BTBD1: variants seen among roughly 807,000 people sequenced by gnomAD.
BTBD1 encodes the protein BTB domain containing 1, also known as BTB/POZ domain-containing protein 1.
BTBD1 carries 34 observed loss-of-function variants against 48.0 expected under a neutral mutation model. That is an observed-to-expected ratio of 0.71 (90% CI 0.54 to 0.94). The LOEUF (loss-of-function observed/expected upper bound fraction) is 0.94, where lower values mean the gene tolerates loss of function less well. BTBD1 is among the 40% of genes least tolerant of loss of function. BTBD1 has a pLI of 0.00. For synonymous variants in BTBD1, 261 were observed against 242.1 expected (o/e 1.08, Z -0.72); for missense variants, 543 against 625.6 (o/e 0.87, Z 1.41).
intron 5 of BTBD1, among the ~76,000 whole-genome samples, chr15:83,026,791 G>A (rs968767767): frequency 2.0e-5 from 3 of 152,012 alleles, no homozygotes; most frequent in Non-Finnish European, 4.4e-5. Context: ...CAAAGTGTGG[G>A]GATTACAGGC....
At position 83,062,794 on chromosome 15, in the gene BTBD1, G is replaced by A. The variant is rs556528892; in HGVS notation, c.401+3957C>T. Among the ~76,000 whole-genome samples, 9 of 152,226 alleles carry A rather than the reference G, an allele frequency of 5.9e-5. No homozygotes were observed. In the South Asian group the frequency reaches 1.9e-3, roughly 32 times the overall value. On this transcript the variant is annotated intron_variant, in intron 1 of 7. Coordinates refer to ENST00000261721, the MANE Select transcript of BTBD1 (RefSeq NM_025238.4). ...GATGGGAGAAAGGATGAGAGCTGAG[G>A]ACTGAATACTGAAGAACACTTACCT...
At chr15:83,047,481 G>C (rs1045422008) in intron 3 of BTBD1, among the ~76,000 whole-genome samples, 1 of 152,214 alleles carries the variant, frequency 6.6e-6, no homozygotes, top group African/African-American at 2.4e-5. Context: ...ATTTACCAAA[G>C]ATGTTTTCTC....
intron 5 of BTBD1, among the ~76,000 whole-genome samples, chr15:83,025,774 T>G (rs891763266): frequency 6.6e-6 from 1 of 152,130 alleles, no homozygotes; most frequent in African/African-American, 2.4e-5. Flanking sequence ...TTTAACCATT[T>G]TTTCTTTTTT....
rs1028587356 is a variant in BTBD1, at chr15:83,047,271, G to A, written c.664+2802C>T. On this transcript the variant is annotated intron_variant, in intron 3 of 7. Coordinates refer to ENST00000261721, the MANE Select transcript of BTBD1 (RefSeq NM_025238.4). ...GAACAGGGATTGCTTAGGGGAACAC[G>A]GTATCTAATTAAGTAGGTCTGAAGT... Among the ~76,000 whole-genome samples the A allele has an allele frequency of 5.3e-5, 8 of 152,126 alleles. No individual in the cohort carries two copies. The South Asian group carries it at 8.3e-4, about 16-fold the overall frequency.
At chr15:83,035,251 G>C (rs1204437170) in intron 4 of BTBD1, among the ~76,000 whole-genome samples, 2 of 152,128 alleles carry the variant, frequency 1.3e-5, no homozygotes, top group African/African-American at 4.8e-5. Context: ...CCAAGATCAT[G>C]CCACTGCACT....
rs1404315758 is a variant in BTBD1, at chr15:83,041,978, C to T, written c.665-53G>A. Reference sequence around the variant, plus strand: ...ATTAGAAATATTTTAGCTCTCTAACCAAGCAATACCAACAGACACACTTAT... The same window carrying T: ...ATTAGAAATATTTTAGCTCTCTAACTAAGCAATACCAACAGACACACTTAT... On this transcript the variant is annotated intron_variant, in intron 3 of 7. Transcript: ENST00000261721. 9 of 1,453,496 alleles carry T rather than the reference C, an allele frequency of 6.2e-6. No homozygotes were observed. The Admixed American group carries it at 1.6e-4, about 25-fold the overall frequency. 90.0% of individuals were successfully genotyped at this position (1,453,496 alleles called of 1,614,324 possible).
chr15:83,066,871 C>T lies in BTBD1; in HGVS notation c.281G>A (p.Arg94His). ...AGGPQRIPAH[R>H]FVLAAGSAVF... ...GGCGCTGCCGGCCGCCAGCACGAAG[C>T]GGTGGGCGGGGATGCGCTGCGGGCC... The change falls in exon 1 of 8, where the codon CGC becomes CAC. Residue 94 changes from arginine (R) to histidine (H), a missense_variant. This residue lies in a region of BTBD1 where 173 missense variants were observed against 163.9 expected (regional missense o/e 1.06). Coordinates refer to ENST00000261721, the MANE Select transcript of BTBD1 (RefSeq NM_025238.4). The T allele has an allele frequency of 1.4e-6, 2 of 1,475,722 alleles. No individual in the cohort carries two copies. The highest frequency in any genetic ancestry group is 1.8e-6 in the Non-Finnish European group (2 of 1,116,714). The allele number at this position is 1,475,722 out of a possible 1,614,324, so 91.4% of individuals were successfully genotyped here. A position where few individuals can be genotyped will look rare whatever the true frequency, so the allele number is the denominator to read the frequency against.
rs553157289 is a variant in BTBD1, at chr15:83,030,080, G to C, written c.1055+56C>G. 4.3e-5 allele frequency: 63 copies of C among 1,469,238 alleles called. No individual in the cohort carries two copies. In the African/African-American group the frequency reaches 8.8e-4, roughly 21 times the overall value. The allele number at this position is 1,469,238 out of a possible 1,614,324, so 91.0% of individuals were successfully genotyped here. A position where few individuals can be genotyped will look rare whatever the true frequency, so the allele number is the denominator to read the frequency against. ...TTATCTCCCATAATATATAAAAAAG[G>C]CCAAATGGTAACTGCTACCCCCACT... On this transcript the variant is annotated intron_variant, in intron 5 of 7. Coordinates refer to ENST00000261721, the MANE Select transcript of BTBD1 (RefSeq NM_025238.4).
chr15:83,030,973 A>G (rs778986259), intron 4 of BTBD1, among the ~76,000 whole-genome samples: 1 of 152,210 alleles, frequency 6.6e-6, no homozygotes, highest in Non-Finnish European at 1.5e-5. Flanking sequence ...ACAATTCTCA[A>G]AGGAAGCTAT....
intron 4 of BTBD1, among the ~76,000 whole-genome samples, chr15:83,034,511 G>A (rs188374426): frequency 6.6e-6 from 1 of 152,294 alleles, no homozygotes; most frequent in East Asian, 1.9e-4. Context: ...CTACTAAGGA[G>A]GCTGAGGCAT....
intron 1 of BTBD1, among the ~76,000 whole-genome samples, chr15:83,062,461 T>C (rs1214591079): frequency 1.3e-5 from 2 of 152,202 alleles, no homozygotes; most frequent in Non-Finnish European, 1.5e-5. Flanking sequence ...GAATAAATTA[T>C]TGCTTTTTGG....
chr15:83,061,835 T>C (rs2033181482), intron 1 of BTBD1: 1 of 152,196 alleles, frequency 6.6e-6, no homozygotes, highest in South Asian at 2.1e-4. Context: ...TAATAAAAGT[T>C]GTTTAAGTCA....
chr15:83,044,099 A>T lies in BTBD1; in HGVS notation c.665-2174T>A, dbSNP rs991070981. On this transcript the variant is annotated intron_variant, in intron 3 of 7. Transcript: ENST00000261721. The stretch of plus-strand genomic sequence containing the variant: ...AAGACGTTAAGCACTTGAAAAGAAT[A>T]GCTATCAAGGGTCTTATAGAGTTTT... Among the ~76,000 whole-genome samples, 75 of 152,334 alleles carry T rather than the reference A, an allele frequency of 4.9e-4. 1 individual carries two copies. The highest frequency in any genetic ancestry group is 3.4e-3 in the Middle Eastern group (1 of 294).
chr15:83,038,812 G>A (rs2032680554), intron 4 of BTBD1, among the ~76,000 whole-genome samples: 1 of 152,070 alleles, frequency 6.6e-6, no homozygotes, highest in Non-Finnish European at 1.5e-5. Context: ...AAGGGTGCTG[G>A]GAAAGTTGGC....
chr15:83,025,047 A>C (rs2032375526), intron 5 of BTBD1, among the ~76,000 whole-genome samples: 1 of 152,132 alleles, frequency 6.6e-6, no homozygotes, highest in Non-Finnish European at 1.5e-5. Flanking sequence ...ATACTCTTCC[A>C]AATTAACTGT....
At chr15:83,025,741 T>C (rs1444697867) in intron 5 of BTBD1, among the ~76,000 whole-genome samples, 1 of 152,162 alleles carries the variant, frequency 6.6e-6, no homozygotes, top group Non-Finnish European at 1.5e-5. Flanking sequence ...TTATAATTTT[T>C]TTGTGGTAAA....
intron 5 of BTBD1, chr15:83,029,847 T>G (rs372869374): frequency 2.9e-6 from 1 of 345,524 alleles, no homozygotes; most frequent in South Asian, 3.3e-5. Context: ...CCAGCCTGAG[T>G]GACAGAGCGA....
At chr15:83,030,037 A>C (rs1291087386) in intron 5 of BTBD1, 99 bp downstream of exon 5, 2 of 1,104,148 alleles carry the variant, frequency 1.8e-6, no homozygotes, top group Non-Finnish European at 2.7e-6. Flanking sequence ...ATGAAGTATA[A>C]AATGAAATGT....
chr15:83,038,310 T>C (rs2032671465), intron 4 of BTBD1, among the ~76,000 whole-genome samples: 1 of 152,154 alleles, frequency 6.6e-6, no homozygotes, highest in African/African-American at 2.4e-5. Context: ...CAGGTATTTT[T>C]ACATCCATAC....
Sources: gnomAD v4.1 joint callset for allele counts (sites outside exome capture counted in the v4.1 genomes callset) on GRCh38, gnomAD v4.1.1 for gene constraint, gnomAD v4.1.1 regional missense constraint, MANE v1.5 for transcripts, NCBI Gene and HGNC (gene_info 2026-07-23, HGNC 2026-07-21) for gene names.